ATRNL1: variants seen among roughly 807,000 people sequenced by gnomAD.
ATRNL1 encodes attractin like 1.
ATRNL1 carries 95 observed loss-of-function variants against 182.7 expected under a neutral mutation model. The observed-to-expected ratio is 0.52, with a 90% CI of 0.44 to 0.62. The LOEUF is 0.62. Ranked by LOEUF, ATRNL1 falls within the 20% of genes least tolerant of loss-of-function variation. The pLI is 0.00. For synonymous variants in ATRNL1, 576 were observed against 568.3 expected, an observed-to-expected ratio of 1.01 and a Z score of -0.19; for missense variants, 1,471 against 1,679.5, an observed-to-expected ratio of 0.88 and a Z score of 2.17.
chr10:115,508,027 CA>C (rs1850201205), intron 24 of ATRNL1, among the ~76,000 whole-genome samples: 5 of 151,922 alleles, frequency 3.3e-5, no homozygotes, highest in Admixed American at 3.3e-4. Flanking sequence ...TTGTGGTAAC[CA>C]TAGGTTAAGC....
chr10:115,299,578 T>G (rs1853371013), intron 15 of ATRNL1, among the ~76,000 whole-genome samples: 1 of 152,122 alleles, frequency 6.6e-6, no homozygotes, highest in African/African-American at 2.4e-5. Context: ...CTCTATATAT[T>G]GTTTGTTGAT....
chr10:115,292,319 T>A (rs1554921138), intron 15 of ATRNL1, among the ~76,000 whole-genome samples: 1 of 151,944 alleles, frequency 6.6e-6, no homozygotes, highest in African/African-American at 2.4e-5. Context: ...GTGTCATTGA[T>A]CTTCTGTATT....
At chr10:115,471,908 CA>C (rs1383731230) in intron 24 of ATRNL1, among the ~76,000 whole-genome samples, 1 of 150,748 alleles carries the variant, frequency 6.6e-6, no homozygotes, top group East Asian at 1.9e-4. Flanking sequence ...GTATTATATC[CA>C]AAAAAATCAT....
chr10:115,253,510 A>G (rs1315580708), intron 10 of ATRNL1, among the ~76,000 whole-genome samples: 1 of 152,184 alleles, frequency 6.6e-6, no homozygotes, highest in Non-Finnish European at 1.5e-5. Context: ...CATGTCTACC[A>G]GAAATATCCA....
rs1850428636 is a variant in ATRNL1, at chr10:115,241,662, A to G, written c.1624A>G (p.Asn542Asp). 6.2e-7 allele frequency: 1 copy of G among 1,611,420 alleles called. No individual in the cohort carries two copies. Among genetic ancestry groups the G allele is most frequent in the Non-Finnish European group, 8.5e-7 (1 of 1,178,254 alleles). The change falls in exon 10 of 29, where the codon AAT becomes GAT. Residue 542 changes from asparagine to aspartate, a missense_variant. This residue lies in a region of ATRNL1 where 1,031 missense variants were observed against 1,156.0 expected (regional missense o/e 0.89). Coordinates refer to ENST00000355044, the MANE Select transcript of ATRNL1 (RefSeq NM_207303.4). ...AMLIFGGNTHNDTSLSNGAKC... is the reference protein window; with the variant it reads ...AMLIFGGNTHDDTSLSNGAKC... ...GCTTATTTTTGGAGGAAATACCCAT[A>G]ATGACACTTCCTTGAGTAACGGTGC...
At chr10:115,886,384 C>G (rs1951946222) in intron 28 of ATRNL1, among the ~76,000 whole-genome samples, 1 of 152,154 alleles carries the variant, frequency 6.6e-6, no homozygotes, top group Admixed American at 6.5e-5. Context: ...TGTGGTGGCG[C>G]ATGCCTGTAA....
chr10:115,619,445 G>T (rs1215316565), intron 26 of ATRNL1, among the ~76,000 whole-genome samples: 1 of 151,528 alleles, frequency 6.6e-6, no homozygotes, highest in Non-Finnish European at 1.5e-5. Flanking sequence ...GGCCCCTGGC[G>T]AGTACACATG....
chr10:115,483,626 T>G (rs1254077971), intron 24 of ATRNL1, among the ~76,000 whole-genome samples: 1 of 151,576 alleles, frequency 6.6e-6, no homozygotes, highest in Admixed American at 6.6e-5. Context: ...ATCAATTTTA[T>G]TATACTTAAT....
At chr10:115,794,213 A>C (rs1949597137) in intron 27 of ATRNL1, among the ~76,000 whole-genome samples, 1 of 152,182 alleles carries the variant, frequency 6.6e-6, no homozygotes, top group Admixed American at 6.5e-5. Flanking sequence ...ACAAATTTAC[A>C]AAAAAGTATT....
intron 20 of ATRNL1, among the ~76,000 whole-genome samples, chr10:115,402,765 C>G (rs1408964255): frequency 2.0e-5 from 3 of 152,122 alleles, no homozygotes; most frequent in Non-Finnish European, 4.4e-5. Flanking sequence ...ACTGGCTCCC[C>G]TTTTCTGTTC....
At chr10:115,714,230 C>T (rs1947178409) in intron 26 of ATRNL1, among the ~76,000 whole-genome samples, 1 of 152,028 alleles carries the variant, frequency 6.6e-6, no homozygotes, top group African/African-American at 2.4e-5. Context: ...GGACCTTTTC[C>T]TTAGTTCAGC....
intron 13 of ATRNL1, among the ~76,000 whole-genome samples, chr10:115,279,870 CA>C (rs1240672776): frequency 6.6e-6 from 1 of 152,110 alleles, no homozygotes; most frequent in African/African-American, 2.4e-5. Flanking sequence ...GAGTTGCTCA[CA>C]TATATGGTTG....
intron 25 of ATRNL1, among the ~76,000 whole-genome samples, chr10:115,532,892 T>C (rs1319919314): frequency 6.6e-6 from 1 of 152,064 alleles, no homozygotes; most frequent in Non-Finnish European, 1.5e-5. Context: ...TTGTCTTTGG[T>C]TCTGTTTATA....
At chr10:115,518,426 C>T (rs1226279166) in intron 24 of ATRNL1, among the ~76,000 whole-genome samples, 1 of 151,896 alleles carries the variant, frequency 6.6e-6, no homozygotes, top group Non-Finnish European at 1.5e-5. Flanking sequence ...GGAAAACTCA[C>T]TTATATTGAC....
intron 26 of ATRNL1, among the ~76,000 whole-genome samples, chr10:115,634,714 G>T (rs1230742978): frequency 2.0e-5 from 3 of 151,850 alleles, no homozygotes; most frequent in Non-Finnish European, 2.9e-5. Context: ...TTTTTTACTG[G>T]ATAAAAATAA....
intron 26 of ATRNL1, among the ~76,000 whole-genome samples, chr10:115,584,610 T>A (rs1195850554): frequency 6.7e-6 from 1 of 148,624 alleles, no homozygotes; most frequent in Non-Finnish European, 1.5e-5. Context: ...CTTTATCATT[T>A]TTTATTGCGT....
At chr10:115,597,676 A>G (rs1017163592) in intron 26 of ATRNL1, 12 of 447,746 alleles carry the variant, frequency 2.7e-5, no homozygotes, top group Non-Finnish European at 4.9e-5. Context: ...GGGTCAAGCA[A>G]TTCTCCATTA....
chr10:115,861,955 GA>G (rs199609467), intron 28 of ATRNL1, among the ~76,000 whole-genome samples: 17 of 150,488 alleles, frequency 1.1e-4, no homozygotes, highest in African/African-American at 3.4e-4. Context: ...AATTAGAAAA[GA>G]AAAAAAAATA....
At chr10:115,269,032 A>C (rs1554911892) in intron 13 of ATRNL1, among the ~76,000 whole-genome samples, 1 of 152,232 alleles carries the variant, frequency 6.6e-6, no homozygotes, top group East Asian at 1.9e-4. Context: ...GAGCTGCTAA[A>C]CATTCTACAG....
Sources: allele counts gnomAD v4.1 joint callset (sites outside exome capture counted in the v4.1 genomes callset), GRCh38; gene constraint gnomAD v4.1.1; regional missense constraint gnomAD v4.1.1; transcripts MANE v1.5; gene names NCBI Gene and HGNC (gene_info 2026-07-23, HGNC 2026-07-21).